ANO1: variants seen among roughly 807,000 people sequenced by gnomAD.
ANO1 encodes anoctamin 1, also known as anoctamin-1.
A neutral mutation model predicts 124.0 loss-of-function variants in ANO1; 59 were observed. The observed-to-expected ratio is 0.48, with a 90% CI of 0.39 to 0.59. ANO1 has a LOEUF of 0.59. Ranked by LOEUF, ANO1 falls within the 20% of genes least tolerant of loss-of-function variation. The probability of loss-of-function intolerance (pLI) is 0.00; values close to 1 mark genes in which losing one functional copy is unlikely to be tolerated. For missense variants in ANO1, 1,059 were observed against 1,328.0 expected (o/e 0.80, Z 3.15); for synonymous variants, 529 against 532.0 (o/e 0.99, Z 0.08).
At chr11:70,106,775 G>A (rs1170862678) in intron 5 of ANO1, among the ~76,000 whole-genome samples, 2 of 152,244 alleles carry the variant, frequency 1.3e-5, no homozygotes, top group Non-Finnish European at 2.9e-5. Flanking sequence ...GTGGAGAACT[G>A]ACAGCCCTTC....
At chr11:70,100,408 G>A (rs2045219187) in intron 2 of ANO1, among the ~76,000 whole-genome samples, 1 of 152,216 alleles carries the variant, frequency 6.6e-6, no homozygotes, top group Non-Finnish European at 1.5e-5. Context: ...AGGGAAATTT[G>A]AGACCCAGCG....
chr11:70,121,454 A>C (rs1476477237), intron 8 of ANO1, among the ~76,000 whole-genome samples: 15 of 83,012 alleles, frequency 1.8e-4, no homozygotes, highest in African/African-American at 3.0e-4. Flanking sequence ...CTGTCTCTCC[A>C]TCTGCCTCTG....
At chr11:70,053,936 G>T (rs544505319) in intron 1 of ANO1, among the ~76,000 whole-genome samples, 3 of 152,108 alleles carry the variant, frequency 2.0e-5, no homozygotes, top group African/African-American at 7.2e-5. Context: ...AAAATGGTCC[G>T]TTTTCTCTAG....
In ANO1 at chr11:70,136,449, C is replaced by T. The variant is rs894714960; in HGVS notation, c.1258+4370C>T. Among the ~76,000 whole-genome samples the T allele has an allele frequency of 6.7e-5, 10 of 148,794 alleles. 1 individual carries two copies. The highest frequency in any genetic ancestry group is 1.4e-4 in the Admixed American group (2 of 14,304). Reference sequence around the variant, plus strand: ...GGACCTGCAGCACCAGCACCTCCCTCGCCTCACCCTGGCCTCAGTCCTGAT... The same window carrying T: ...GGACCTGCAGCACCAGCACCTCCCTTGCCTCACCCTGGCCTCAGTCCTGAT... On this transcript the variant is annotated intron_variant, in intron 11 of 25. Coordinates refer to ENST00000355303, the MANE Select transcript of ANO1 (RefSeq NM_018043.7).
chr11:70,137,766 T>C (rs758887537), intron 11 of ANO1, among the ~76,000 whole-genome samples: 4 of 147,008 alleles, frequency 2.7e-5, no homozygotes, highest in African/African-American at 7.3e-5. Context: ...AGAACTTGCT[T>C]CTACTCTCTG....
chr11:70,086,763 G>A (rs1293387508), intron 1 of ANO1, among the ~76,000 whole-genome samples: 1 of 152,226 alleles, frequency 6.6e-6, no homozygotes, highest in Non-Finnish European at 1.5e-5. Context: ...GACCCCAGCT[G>A]CACATAGCGG....
intron 1 of ANO1, among the ~76,000 whole-genome samples, chr11:70,045,943 G>A (rs1462843158): frequency 5.3e-5 from 8 of 152,158 alleles, no homozygotes; most frequent in African/African-American, 1.9e-4. Context: ...TTCTTGCTCT[G>A]GACATCTAAC....
rs1232497326 is a variant in ANO1 at position 70,180,010 on chromosome 11, G to A, written c.2357G>A (p.Trp786Ter). The A allele has an allele frequency of 6.2e-7, 1 of 1,612,682 alleles. No homozygotes were observed. Among genetic ancestry groups the A allele is most frequent in the African/African-American group, 1.3e-5 (1 of 74,914 alleles). ...TGACTTCTTCTTCCCCCAGGAATCT[G>A]GTACAATATCCTCAGAGGCATTGGG... ...VAVRAKDIGI[W>*]YNILRGIGKL... Residue 786 changes from tryptophan (W) to a stop codon, truncating the protein, a stop_gained, in exon 23 of 26, where the codon TGG (tryptophan) becomes TAG (stop). Transcript: ENST00000355303. LOFTEE classifies it high-confidence loss of function.
chr11:70,014,333 C>T (rs1477396679), intron 1 of ANO1, among the ~76,000 whole-genome samples: 4 of 150,794 alleles, frequency 2.7e-5, no homozygotes, highest in East Asian at 2.0e-4. Flanking sequence ...GCCCCTGAGC[C>T]GCTCCTTTGC....
At chr11:70,024,758 G>A (rs571291056) in intron 1 of ANO1, among the ~76,000 whole-genome samples, 3 of 152,326 alleles carry the variant, frequency 2.0e-5, no homozygotes, top group South Asian at 2.1e-4. Flanking sequence ...ACAAAGCCCC[G>A]CTGACAGCCT....
the ANO1 span, among the ~76,000 whole-genome samples, chr11:69,968,386 G>A: frequency 6.6e-6 from 1 of 152,208 alleles, no homozygotes; most frequent in African/African-American, 2.4e-5. Context: ...AAGTTCCAAA[G>A]GCAGAGGCAG....
chr11:70,041,318 C>T (rs146958183), intron 1 of ANO1, among the ~76,000 whole-genome samples: 54 of 152,262 alleles, frequency 3.5e-4, no homozygotes, highest in South Asian at 1.0e-3. Context: ...AAGGGTTTAC[C>T]CCTCATACCA....
intron 16 of ANO1, among the ~76,000 whole-genome samples, 175 bp downstream of exon 16, chr11:70,157,196 G>A (rs1457402553): frequency 2.0e-5 from 3 of 151,752 alleles, no homozygotes; most frequent in South Asian, 2.1e-4. Flanking sequence ...GTGAAACCCC[G>A]TCTCTTACTA....
chr11:70,152,942 G>T, intron 13 of ANO1, 115 bp from the exon 14 acceptor site: 1 of 838,788 alleles, frequency 1.2e-6, no homozygotes, highest in Non-Finnish European at 1.9e-6. Context: ...ACTATGAACT[G>T]GACCCAAAGG....
the ANO1 span, among the ~76,000 whole-genome samples, chr11:69,976,507 TAAAAAAAAAAAAAAAAAAAAAAAAAAAA>T: frequency 0.015 from 1,121 of 74,100 alleles, 67 homozygotes; most frequent in Admixed American, 0.066. Context: ...ACTCCGTCTC[TAAAAAAAAAAAAAAAAAAAAAAAAAAAA>T]AAAAAAAAAA....
At chr11:70,030,850 C>T (rs969586789) in intron 1 of ANO1, among the ~76,000 whole-genome samples, 5 of 152,198 alleles carry the variant, frequency 3.3e-5, no homozygotes, top group Non-Finnish European at 7.3e-5. Context: ...GGAAGGATCC[C>T]ACAGAGGCAG....
At chr11:70,131,074 C>T (rs551396284) in intron 10 of ANO1, among the ~76,000 whole-genome samples, 1 of 152,214 alleles carries the variant, frequency 6.6e-6, no homozygotes, top group Non-Finnish European at 1.5e-5. Context: ...TTGGCACAAG[C>T]CTTGACCGTG....
chr11:70,152,393 A>G (rs1330093165), intron 12 of ANO1, 57 bp from the exon 13 acceptor site: 1 of 1,564,268 alleles, frequency 6.4e-7, no homozygotes, highest in Non-Finnish European at 8.7e-7. Context: ...TTCTAAAATA[A>G]CAACCTAAGT....
chr11:70,145,596 G>T (rs1424641047), intron 11 of ANO1, among the ~76,000 whole-genome samples: 3 of 152,236 alleles, frequency 2.0e-5, no homozygotes, highest in African/African-American at 4.8e-5. Context: ...CCAGGACAGG[G>T]CCTTTGCTTC....
Sources: gnomAD v4.1 joint callset for allele counts (sites outside exome capture counted in the v4.1 genomes callset) on GRCh38, gnomAD v4.1.1 for gene constraint, MANE v1.5 for transcripts, NCBI Gene and HGNC (gene_info 2026-07-23, HGNC 2026-07-21) for gene names.